SLIT3: variants seen among roughly 807,000 people sequenced by gnomAD.
SLIT3 encodes the protein slit guidance ligand 3, also known as slit homolog 3 protein.
In SLIT3, 68 loss-of-function variants were observed where a neutral mutation model predicts 184.0. The ratio of observed to expected loss-of-function variants is 0.37; its 90% CI spans 0.30 to 0.45. The LOEUF (loss-of-function observed/expected upper bound fraction) is 0.45, where lower values mean the gene tolerates loss of function less well. Ranked by LOEUF, SLIT3 falls within the 20% of genes least tolerant of loss-of-function variation. SLIT3 has a pLI of 1.00. For missense variants in SLIT3, 1,707 were observed against 2,026.0 expected (o/e 0.84, Z 3.02); for synonymous variants, 831 against 828.6 (o/e 1.00, Z -0.05).
chr5:169,276,724 A>AATG lies in SLIT3; in HGVS notation c.197+23786_197+23788dup, dbSNP rs1326133329. Among the ~76,000 whole-genome samples, 7 of 152,332 alleles carry AATG rather than the reference A, an allele frequency of 4.6e-5. No homozygotes were observed. In the South Asian group the frequency reaches 1.4e-3, roughly 32 times the overall value. On this transcript the variant is annotated intron_variant, in intron 1 of 35. Coordinates refer to ENST00000519560, the MANE Select transcript of SLIT3 (RefSeq NM_003062.4). ...CAGTGCCATTTTCAACTACAAATAGAATGATTATGTTCCCAGTAAGGCTTG... is the reference window on the plus strand; with the variant it reads ...CAGTGCCATTTTCAACTACAAATAGAATGATGATTATGTTCCCAGTAAGGCTTG...
intron 4 of SLIT3, among the ~76,000 whole-genome samples, chr5:169,097,829 G>A (rs1382717088): frequency 6.6e-6 from 1 of 152,162 alleles, no homozygotes; most frequent in African/African-American, 2.4e-5. Flanking sequence ...TCCAAACCCT[G>A]CTCCCCAGGC....
intron 3 of SLIT3, among the ~76,000 whole-genome samples, chr5:169,236,478 GTT>G (rs56961775): frequency 0.25 from 36,261 of 143,582 alleles, 5,101 homozygotes; most frequent in Non-Finnish European, 0.34. Flanking sequence ...GTTTTGTTTT[GTT>G]TTTTTTTTTT....
chr5:168,838,973 G>A (rs542109167), intron 6 of SLIT3, among the ~76,000 whole-genome samples: 1 of 152,292 alleles, frequency 6.6e-6, no homozygotes, highest in South Asian at 2.1e-4. Flanking sequence ...AGGTGGGGCG[G>A]CTCTTGTGAT....
At chr5:169,269,638 A>G (rs1270034573) in intron 1 of SLIT3, among the ~76,000 whole-genome samples, 1 of 152,258 alleles carries the variant, frequency 6.6e-6, no homozygotes, top group East Asian at 1.9e-4. Context: ...ATGCAGTCTG[A>G]CAGTGGGACC....
chr5:169,269,277 T>C (rs190637493), intron 1 of SLIT3, among the ~76,000 whole-genome samples: 4 of 152,248 alleles, frequency 2.6e-5, no homozygotes, highest in African/African-American at 7.2e-5. Flanking sequence ...CTCTGACTTA[T>C]ATACCAACTC....
intron 1 of SLIT3, among the ~76,000 whole-genome samples, chr5:169,296,850 A>G (rs1767517078): frequency 6.6e-6 from 1 of 152,218 alleles, no homozygotes; most frequent in Admixed American, 6.5e-5. Context: ...TGAAAAACCA[A>G]AGATGTCCAC....
At chr5:169,246,755 C>G (rs532790487) in intron 2 of SLIT3, among the ~76,000 whole-genome samples, 2 of 151,564 alleles carry the variant, frequency 1.3e-5, no homozygotes, top group South Asian at 4.2e-4. Context: ...TCTGTCTCTA[C>G]TGAAAATACA....
At chr5:168,990,283 C>T (rs779748382) in intron 4 of SLIT3, among the ~76,000 whole-genome samples, 2 of 152,206 alleles carry the variant, frequency 1.3e-5, no homozygotes, top group Non-Finnish European at 2.9e-5. Flanking sequence ...AGGAGAGAGT[C>T]ACAGAGAAGG....
rs146836218 is a variant in SLIT3 at position 169,232,327 on chromosome 5, C to T, written c.341+12378G>A. ...GCAACCTCCGCCTCTTGGGTTCAAG[C>T]GATTCTCCTGCCTCAGCCTCCCAAG... On this transcript the variant is annotated intron_variant, in intron 3 of 35. Transcript: ENST00000519560. Among the ~76,000 whole-genome samples the T allele has an allele frequency of 8.0e-3, 1,211 of 152,160 alleles. 17 individuals carry two copies. The highest frequency in any genetic ancestry group is 0.027 in the African/African-American group (1,132 of 41,510).
chr5:169,119,056 T>C (rs1242816353), intron 4 of SLIT3, among the ~76,000 whole-genome samples: 1 of 152,208 alleles, frequency 6.6e-6, no homozygotes, highest in Non-Finnish European at 1.5e-5. Context: ...GAAGCTCATG[T>C]TTGAATCCAT....
intron 9 of SLIT3, among the ~76,000 whole-genome samples, chr5:168,799,276 A>C (rs1756682476): frequency 6.6e-6 from 1 of 152,264 alleles, no homozygotes; most frequent in Admixed American, 6.5e-5. Context: ...TTGCATCAGC[A>C]AAAACTGTCA....
chr5:168,745,804 T>A (rs549958609), intron 20 of SLIT3, among the ~76,000 whole-genome samples: 1 of 152,118 alleles, frequency 6.6e-6, no homozygotes, highest in Non-Finnish European at 1.5e-5. Flanking sequence ...GAAGACTCCA[T>A]TGATGTGACA....
At chr5:169,015,611 G>T (rs1408614048) in intron 4 of SLIT3, among the ~76,000 whole-genome samples, 1 of 152,108 alleles carries the variant, frequency 6.6e-6, no homozygotes, top group Non-Finnish European at 1.5e-5. Context: ...GATCTCCCCG[G>T]TTTCAAACTT....
At chr5:169,112,204 C>T (rs1269468895) in intron 4 of SLIT3, among the ~76,000 whole-genome samples, 1 of 152,220 alleles carries the variant, frequency 6.6e-6, no homozygotes, top group Admixed American at 6.5e-5. Context: ...TGCACAGTAG[C>T]TCCCTTTGTT....
intron 20 of SLIT3, among the ~76,000 whole-genome samples, chr5:168,727,817 G>C (rs992673771): frequency 6.6e-6 from 1 of 152,200 alleles, no homozygotes; most frequent in Non-Finnish European, 1.5e-5. Context: ...TGGGCAGGGA[G>C]GCTCTGCTCT....
chr5:168,904,492 T>C (rs56083643), intron 4 of SLIT3, among the ~76,000 whole-genome samples: 6 of 121,550 alleles, frequency 4.9e-5, no homozygotes, highest in East Asian at 4.6e-4. Flanking sequence ...GAAATAACAA[T>C]AATAATAATA....
intron 4 of SLIT3, among the ~76,000 whole-genome samples, chr5:169,045,272 C>T (rs548946317): frequency 4.9e-4 from 75 of 152,188 alleles, no homozygotes; most frequent in African/African-American, 1.7e-3. Context: ...AAACCCTAAA[C>T]GTGCAACTTG....
chr5:168,907,979 T>TAGAGAGAGAGAGAGAGAGAGAGAG (rs70979109), intron 4 of SLIT3, among the ~76,000 whole-genome samples: 3 of 50,084 alleles, frequency 6.0e-5, no homozygotes, highest in African/African-American at 3.8e-4. Flanking sequence ...TATATATATA[T>TAGAGAGAGAGAGAGAGAGAGAGAG]AGAGAGAGAG....
intron 4 of SLIT3, among the ~76,000 whole-genome samples, chr5:168,889,860 G>GGTGTCTA (rs1280940952): frequency 6.6e-6 from 1 of 152,136 alleles, no homozygotes; most frequent in Non-Finnish European, 1.5e-5. Context: ...AAAAGTGAGA[G>GGTGTCTA]CAAGGATGGG....
Sources: gnomAD v4.1 joint callset for allele counts (sites outside exome capture counted in the v4.1 genomes callset) on GRCh38, gnomAD v4.1.1 for gene constraint, MANE v1.5 for transcripts, NCBI Gene and HGNC (gene_info 2026-07-23, HGNC 2026-07-21) for gene names.